Variants in GATAD2A observed in about 807,000 individuals in gnomAD.
GATAD2A encodes GATA zinc finger domain containing 2A, also known as transcriptional repressor p66-alpha.
A neutral mutation model predicts 68.5 loss-of-function variants in GATAD2A; 12 were observed. The observed-to-expected ratio is 0.18, with a 90% CI of 0.11 to 0.28. GATAD2A has a LOEUF of 0.28. Ranked by LOEUF, GATAD2A falls within the 10% of genes least tolerant of loss-of-function variation. The pLI is 1.00. For missense variants in GATAD2A, 755 were observed against 868.5 expected, an observed-to-expected ratio of 0.87 and a Z score of 1.64; for synonymous variants, 410 against 375.3, an observed-to-expected ratio of 1.09 and a Z score of -1.07.
chr19:19,465,441 G>A lies in GATAD2A; in HGVS notation c.96G>A (p.Glu32=), dbSNP rs1490494910. 1.4e-5 allele frequency: 22 copies of A among 1,613,808 alleles called. No homozygotes were observed. The highest frequency in any genetic ancestry group is 1.6e-4 in the Middle Eastern group (1 of 6,084). ...DDVESKKIKM[E]RGLLASDLNT... is the part of the protein sequence containing the mutation. ...TGGAGAGCAAGAAAATAAAAATGGA[G>A]AGAGGATTGTTGGCTTCAGATTTAA... The change falls in exon 2 of 12, where the codon GAG becomes GAA. Residue 32 remains glutamate (E), a synonymous_variant. Transcript: ENST00000683918.
chr19:19,420,362 C>G (rs1191404066), intron 1 of GATAD2A, among the ~76,000 whole-genome samples: 2 of 129,296 alleles, frequency 1.5e-5, no homozygotes, highest in Non-Finnish European at 3.2e-5. Flanking sequence ...TACGGGGTCT[C>G]GCTCTGTCAC....
Position 19,502,646 on chromosome 19 carries a change from C to G in GATAD2A, c.1774+120C>G. The G allele has an allele frequency of 1.9e-5, 14 of 737,360 alleles. 1 individual carries two copies. In the South Asian group the frequency reaches 2.5e-4, roughly 13 times the overall value. The allele number at this position is 737,360 out of a possible 1,614,324, so 45.7% of individuals were successfully genotyped here. ...CCCCAGGCCCGCTTCCCAAGCTCAG[C>G]CTCCTCGGACTCTGGCTTTCCCTCT... is the stretch of plus-strand genomic sequence containing the variant. On this transcript the variant is annotated intron_variant, in intron 11 of 11. Transcript: ENST00000683918.
intron 1 of GATAD2A, among the ~76,000 whole-genome samples, chr19:19,388,693 A>G (rs935025481): frequency 6.6e-6 from 1 of 152,034 alleles, no homozygotes; most frequent in Admixed American, 6.6e-5. Context: ...TATCCCCATT[A>G]TCACACTGTC....
rs376115183 is a variant in GATAD2A at position 19,506,285 on chromosome 19, G to C, written c.*811G>C. 7.8e-4 allele frequency: 311 copies of C among 398,054 alleles called. 3 individuals are homozygous for C. The East Asian group carries it at 9.1e-3, about 12-fold the overall frequency. 24.7% of individuals were successfully genotyped at this position (398,054 alleles called of 1,614,324 possible). On this transcript the variant is annotated 3_prime_UTR_variant, in exon 12 of 12. Coordinates refer to ENST00000683918, the MANE Select transcript of GATAD2A (RefSeq NM_001384528.1). ...GAACAGACCCAGCCAGAGAAGCAGGGATTCCAGAAGCTGCCCATTAAGGGA... is the reference window on the plus strand; with the variant it reads ...GAACAGACCCAGCCAGAGAAGCAGGCATTCCAGAAGCTGCCCATTAAGGGA...
Position 19,506,065 on chromosome 19 carries a change from G to A in GATAD2A, c.*591G>A. ...CTGTTGTACGCTGCATCATCCCGCT[G>A]GCCCTGTGCCCTGGAGGGTGGGCGG... On this transcript the variant is annotated 3_prime_UTR_variant, in exon 12 of 12. Transcript: ENST00000683918. 2.5e-6 allele frequency: 1 copy of A among 398,960 alleles called. No individual in the cohort carries two copies. Among genetic ancestry groups the A allele is most frequent in the Non-Finnish European group, 4.4e-6 (1 of 226,064 alleles). 24.7% of individuals were successfully genotyped at this position (398,960 alleles called of 1,614,324 possible).
intron 1 of GATAD2A, chr19:19,436,001 T>C (rs2054296068): frequency 2.5e-6 from 1 of 396,108 alleles, no homozygotes. Flanking sequence ...GGAAGGTAGC[T>C]GAGGCAAAAC....
chr19:19,465,329 T>A lies in GATAD2A; in HGVS notation c.-6-11T>A. The A allele has an allele frequency of 1.2e-6, 2 of 1,610,464 alleles. No homozygotes were observed. Among genetic ancestry groups the A allele is most frequent in the East Asian group, 4.5e-5 (2 of 44,856 alleles). On this transcript the variant is annotated splice_polypyrimidine_tract_variant and intron_variant, in intron 1 of 11. Transcript: ENST00000683918. The stretch of plus-strand genomic sequence containing the variant: ...CCAGTTAAAATGTTGTGTCTTCTCC[T>A]CCCTCCCAAGTTCAGAATGACCGAA...
At chr19:19,432,079 G>A (rs1326303211) in intron 1 of GATAD2A, among the ~76,000 whole-genome samples, 1 of 152,162 alleles carries the variant, frequency 6.6e-6, no homozygotes, top group Non-Finnish European at 1.5e-5. Flanking sequence ...GGGTTCAAGT[G>A]ATTCTCGTGC....
upstream of GATAD2A, among the ~76,000 whole-genome samples, chr19:19,404,187 G>T (rs1453648061): frequency 2.0e-5 from 3 of 151,908 alleles, no homozygotes; most frequent in Admixed American, 2.0e-4. Context: ...GTTGACAATT[G>T]TATGTAGAAC....
At chr19:19,431,841 G>A (rs985908457) in intron 1 of GATAD2A, among the ~76,000 whole-genome samples, 6 of 152,152 alleles carry the variant, frequency 3.9e-5, no homozygotes, top group Admixed American at 3.9e-4. Flanking sequence ...CGGCAACACA[G>A]TAGCTGTGTT....
chr19:19,457,240 G>A (rs1273253314), intron 1 of GATAD2A: 1 of 985,298 alleles, frequency 1.0e-6, no homozygotes, highest in African/African-American at 1.7e-5. Flanking sequence ...GTGAGTGATT[G>A]GGACATTCTG....
intron 1 of GATAD2A, among the ~76,000 whole-genome samples, chr19:19,447,935 G>A (rs889484278): frequency 2.0e-5 from 3 of 152,244 alleles, no homozygotes; most frequent in Non-Finnish European, 4.4e-5. Context: ...CCAGTCTCAG[G>A]CCTTGATGGA....
chr19:19,410,621 T>C (rs1341210663), intron 1 of GATAD2A, among the ~76,000 whole-genome samples: 1 of 152,210 alleles, frequency 6.6e-6, no homozygotes, highest in Non-Finnish European at 1.5e-5. Flanking sequence ...GCACACACTT[T>C]AAAAATACTG....
chr19:19,458,479 C>T (rs2057138858), intron 1 of GATAD2A: 1 of 152,038 alleles, frequency 6.6e-6, no homozygotes, highest in Non-Finnish European at 1.5e-5. Context: ...CATACCAAGC[C>T]CATACTGTTT....
intron 2 of GATAD2A, among the ~76,000 whole-genome samples, chr19:19,491,045 G>A (rs999542437): frequency 1.3e-5 from 2 of 152,196 alleles, no homozygotes; most frequent in Admixed American, 6.5e-5. Context: ...GCCTTCAGTA[G>A]TGTCAGCTGT....
chr19:19,407,858 A>G (rs1352608953), intron 1 of GATAD2A, among the ~76,000 whole-genome samples: 1 of 152,204 alleles, frequency 6.6e-6, no homozygotes, highest in Admixed American at 6.5e-5. Flanking sequence ...GATTTTCTGT[A>G]TCCTCTGTCT....
chr19:19,436,157 C>A, intron 1 of GATAD2A: 1 of 1,366,194 alleles, frequency 7.3e-7, no homozygotes, highest in African/African-American at 1.5e-5. Context: ...TCTCAAGTAG[C>A]CTTTTGATGT....
At chr19:19,490,534 C>T (rs1483795393) in intron 2 of GATAD2A, among the ~76,000 whole-genome samples, 6 of 152,062 alleles carry the variant, frequency 3.9e-5, no homozygotes, top group Admixed American at 6.5e-5. Context: ...TAACTTTGTC[C>T]GAGTTTGTTC....
At chr19:19,456,987 T>C (rs1224393852) in intron 1 of GATAD2A, 2 of 469,436 alleles carry the variant, frequency 4.3e-6, no homozygotes, top group Non-Finnish European at 5.6e-6. Flanking sequence ...AAGATCCCCA[T>C]GCTTCTATTA....
Sources: gnomAD v4.1 joint callset for allele counts (sites outside exome capture counted in the v4.1 genomes callset) on GRCh38, gnomAD v4.1.1 for gene constraint, MANE v1.5 for transcripts, NCBI Gene and HGNC (gene_info 2026-07-23, HGNC 2026-07-21) for gene names.